CAST: variants seen among roughly 807,000 people sequenced by gnomAD.
CAST encodes the protein calpastatin, also known as MIR583 host.
In CAST, 76 loss-of-function variants were observed where a neutral mutation model predicts 119.6. The observed-to-expected ratio is 0.64, with a 90% CI of 0.53 to 0.77. The LOEUF (loss-of-function observed/expected upper bound fraction) is 0.77. CAST is among the 30% of genes least tolerant of loss of function. The pLI is 0.00. For missense variants in CAST, 953 were observed against 946.5 expected (o/e 1.01, Z -0.09); for synonymous variants, 319 against 331.6 (o/e 0.96, Z 0.41).
the CAST span, among the ~76,000 whole-genome samples, chr5:96,191,307 T>C: frequency 7.2e-5 from 11 of 152,362 alleles, no homozygotes; most frequent in African/African-American, 2.6e-4. Flanking sequence ...TATGTCCCAA[T>C]ATTAACAGAC....
At chr5:96,100,733 A>G in the CAST span, among the ~76,000 whole-genome samples, 1 of 152,178 alleles carries the variant, frequency 6.6e-6, no homozygotes, top group Non-Finnish European at 1.5e-5. Flanking sequence ...GGTTGGTTCC[A>G]GGATCCCCCT....
At chr5:96,197,753 C>CA in the CAST span, among the ~76,000 whole-genome samples, 1 of 152,074 alleles carries the variant, frequency 6.6e-6, no homozygotes, top group Non-Finnish European at 1.5e-5. Flanking sequence ...GGTGAGGGGC[C>CA]AACCTAGACA....
chr5:96,568,612 A>ATCTT (rs959801332), intron 1 of CAST, among the ~76,000 whole-genome samples: 2 of 149,910 alleles, frequency 1.3e-5, no homozygotes, highest in African/African-American at 4.9e-5. Flanking sequence ...GTTGGTTTAT[A>ATCTT]TCTTTAATAC....
At chr5:96,591,932 G>A (rs1292120610) in intron 1 of CAST, among the ~76,000 whole-genome samples, 3 of 152,176 alleles carry the variant, frequency 2.0e-5, no homozygotes, top group Non-Finnish European at 4.4e-5. Context: ...CAATAGTTCA[G>A]TACAGGTGGG....
the CAST span, among the ~76,000 whole-genome samples, chr5:96,186,779 A>T: frequency 1.3e-5 from 2 of 152,120 alleles, no homozygotes; most frequent in African/African-American, 4.8e-5. Context: ...TTTTGCATTG[A>T]TGTTCATCAA....
the CAST span, among the ~76,000 whole-genome samples, chr5:95,997,900 A>C: frequency 6.6e-6 from 1 of 150,476 alleles, no homozygotes; most frequent in African/African-American, 2.5e-5. Flanking sequence ...CCCACGTCTC[A>C]CTGCTGTAAA....
chr5:96,472,080 T>C, the CAST span, among the ~76,000 whole-genome samples: 3 of 152,182 alleles, frequency 2.0e-5, no homozygotes, highest in Non-Finnish European at 2.9e-5. Context: ...TTCAGCAGTA[T>C]TTGGTACAGC....
the CAST span, among the ~76,000 whole-genome samples, chr5:96,224,322 C>T: frequency 6.6e-6 from 1 of 152,150 alleles, no homozygotes; most frequent in Non-Finnish European, 1.5e-5. Flanking sequence ...GTATAATGGC[C>T]ACCCAAAGAT....
the CAST span, among the ~76,000 whole-genome samples, chr5:96,428,846 G>C: frequency 6.6e-6 from 1 of 152,090 alleles, no homozygotes; most frequent in Non-Finnish European, 1.5e-5. Context: ...ATAAAAGGTT[G>C]TTGATTGACT....
chr5:96,098,075 T>C, the CAST span, among the ~76,000 whole-genome samples: 3 of 152,228 alleles, frequency 2.0e-5, no homozygotes, highest in African/African-American at 7.2e-5. Flanking sequence ...ATTTCTCTAA[T>C]GATCAGTAAT....
intron 1 of CAST, among the ~76,000 whole-genome samples, chr5:96,631,658 G>T (rs9791137): frequency 7.0e-6 from 1 of 143,098 alleles, no homozygotes; most frequent in African/African-American, 2.5e-5. Flanking sequence ...TTGGCTCCCC[G>T]AGTAGCTGGG....
At chr5:96,242,462 C>T in the CAST span, among the ~76,000 whole-genome samples, 2 of 152,090 alleles carry the variant, frequency 1.3e-5, no homozygotes, top group East Asian at 1.9e-4. Flanking sequence ...GATGATCACC[C>T]TCAGCAAATG....
the CAST span, among the ~76,000 whole-genome samples, chr5:96,225,397 T>C: frequency 4.6e-5 from 7 of 152,266 alleles, no homozygotes; most frequent in African/African-American, 1.7e-4. Flanking sequence ...AATGGGGGCA[T>C]ACAGGGATAT....
At chr5:96,369,825 C>T in the CAST span, among the ~76,000 whole-genome samples, 1,793 of 152,160 alleles carry the variant, frequency 0.012, 49 homozygotes, top group African/African-American at 0.042. Flanking sequence ...CTGCATGACC[C>T]ACTATATTTT....
chr5:96,498,143 G>C, the CAST span, among the ~76,000 whole-genome samples: 2 of 152,204 alleles, frequency 1.3e-5, no homozygotes, highest in East Asian at 3.9e-4. Flanking sequence ...TCTTGTTTTT[G>C]TCAGGTTTGT....
At chr5:96,404,061 T>C in the CAST span, among the ~76,000 whole-genome samples, 1 of 152,222 alleles carries the variant, frequency 6.6e-6, no homozygotes, top group African/African-American at 2.4e-5. Flanking sequence ...TTCTTAGGTA[T>C]ACTCACTACA....
chr5:96,355,894 G>T, the CAST span, among the ~76,000 whole-genome samples: 1 of 152,000 alleles, frequency 6.6e-6, no homozygotes, highest in Non-Finnish European at 1.5e-5. Context: ...TATAGATGGG[G>T]TTTCACCATT....
the CAST span, among the ~76,000 whole-genome samples, chr5:95,977,570 A>T: frequency 6.6e-6 from 1 of 152,246 alleles, no homozygotes; most frequent in Admixed American, 6.5e-5. Context: ...ACATGTTAAC[A>T]GTTACAATTA....
intron 2 of CAST, among the ~76,000 whole-genome samples, chr5:96,680,622 T>TA (rs139946415): frequency 0.023 from 3,533 of 152,034 alleles, 141 homozygotes; most frequent in African/African-American, 0.081. Context: ...CTTTTCCAAT[T>TA]AAAAAAAGAC....
Sources: allele counts gnomAD v4.1 joint callset (sites outside exome capture counted in the v4.1 genomes callset), GRCh38; gene constraint gnomAD v4.1.1; transcripts MANE v1.5; gene names NCBI Gene and HGNC (gene_info 2026-07-23, HGNC 2026-07-21).